MECOM: variants seen among roughly 807,000 people sequenced by gnomAD.
The protein encoded by MECOM is histone-lysine N-methyltransferase MECOM.
A neutral mutation model predicts 116.3 loss-of-function variants in MECOM; 13 were observed. That is an observed-to-expected ratio of 0.11 (90% CI 0.07 to 0.18). The LOEUF (loss-of-function observed/expected upper bound fraction) is 0.18. MECOM is among the 10% of genes least tolerant of loss of function. The probability of loss-of-function intolerance (pLI) is 1.00; values close to 1 mark genes in which losing one functional copy is unlikely to be tolerated. For synonymous variants in MECOM, 528 were observed against 535.2 expected, an observed-to-expected ratio of 0.99 and a Z score of 0.19; for missense variants, 1,299 against 1,509.0, an observed-to-expected ratio of 0.86 and a Z score of 2.31.
intron 2 of MECOM, among the ~76,000 whole-genome samples, chr3:169,342,411 G>A (rs1724698847): frequency 6.6e-6 from 1 of 151,890 alleles, no homozygotes; most frequent in African/African-American, 2.4e-5. Flanking sequence ...CTTAATCACT[G>A]CAAAGAAAAG....
At chr3:169,534,079 C>T (rs1474562218) in intron 1 of MECOM, among the ~76,000 whole-genome samples, 2 of 152,150 alleles carry the variant, frequency 1.3e-5, no homozygotes, top group African/African-American at 2.4e-5. Context: ...ACCTAGAGTG[C>T]TTCCACTGTT....
chr3:169,153,675 A>G (rs1398340888), intron 2 of MECOM, among the ~76,000 whole-genome samples: 1 of 152,124 alleles, frequency 6.6e-6, no homozygotes, highest in Admixed American at 6.6e-5. Flanking sequence ...CTTGTGGGGA[A>G]AGTTTGTTGG....
intron 2 of MECOM, among the ~76,000 whole-genome samples, chr3:169,286,740 A>C (rs1713401436): frequency 6.6e-6 from 1 of 152,114 alleles, no homozygotes; most frequent in Non-Finnish European, 1.5e-5. Flanking sequence ...AAAAACAAAC[A>C]AGCAAACAGC....
At chr3:169,618,898 AC>A (rs568342131) in intron 1 of MECOM, among the ~76,000 whole-genome samples, 22 of 152,334 alleles carry the variant, frequency 1.4e-4, no homozygotes, top group African/African-American at 5.0e-4. Context: ...AAAATCTAAC[AC>A]AAACTATAAA....
chr3:169,448,222 TA>T (rs1744974564), intron 1 of MECOM, among the ~76,000 whole-genome samples: 3 of 152,178 alleles, frequency 2.0e-5, no homozygotes, highest in Non-Finnish European at 4.4e-5. Flanking sequence ...ACTGAGCAAC[TA>T]GCCTTGCTAC....
At chr3:169,608,763 T>C (rs1377912404) in intron 1 of MECOM, among the ~76,000 whole-genome samples, 1 of 152,238 alleles carries the variant, frequency 6.6e-6, no homozygotes, top group African/African-American at 2.4e-5. Context: ...CTTACTCATA[T>C]GTAATTGAAT....
intron 1 of MECOM, among the ~76,000 whole-genome samples, chr3:169,424,568 G>A (rs1423521368): frequency 1.3e-5 from 2 of 152,138 alleles, no homozygotes; most frequent in Admixed American, 6.6e-5. Flanking sequence ...TTGTTCTTCT[G>A]AAGGGTACAC....
At chr3:169,604,029 G>A (rs1225711460) in intron 1 of MECOM, among the ~76,000 whole-genome samples, 2 of 152,242 alleles carry the variant, frequency 1.3e-5, no homozygotes, top group South Asian at 2.1e-4. Flanking sequence ...AAGTTTCTAA[G>A]GAAGTTTGTG....
intron 1 of MECOM, among the ~76,000 whole-genome samples, chr3:169,552,982 T>C (rs1236294218): frequency 6.6e-6 from 1 of 151,934 alleles, no homozygotes; most frequent in Non-Finnish European, 1.5e-5. Context: ...TATAATATTT[T>C]ATAGACAACA....
At chr3:169,632,625 C>T (rs117279323) in intron 1 of MECOM, among the ~76,000 whole-genome samples, 2 of 152,284 alleles carry the variant, frequency 1.3e-5, no homozygotes, top group East Asian at 3.9e-4. Context: ...CAAGTTTATG[C>T]TTTTGAGTCA....
chr3:169,501,140 A>T (rs189634667), intron 1 of MECOM, among the ~76,000 whole-genome samples: 84 of 152,170 alleles, frequency 5.5e-4, no homozygotes, highest in Non-Finnish European at 8.8e-4. Flanking sequence ...ATTTAGAAAT[A>T]TTATTCTCAG....
intron 2 of MECOM, among the ~76,000 whole-genome samples, chr3:169,309,141 C>CTA (rs1718276858): frequency 6.6e-6 from 1 of 151,918 alleles, no homozygotes. Flanking sequence ...AAACCGGACT[C>CTA]TATAAACATG....
chr3:169,470,450 A>T (rs1749029734), intron 1 of MECOM, among the ~76,000 whole-genome samples: 1 of 152,226 alleles, frequency 6.6e-6, no homozygotes, highest in Non-Finnish European at 1.5e-5. Context: ...TGGCAACCAG[A>T]TACAAATTTA....
In MECOM at chr3:169,090,033, G is replaced by T; in HGVS notation, c.3368C>A (p.Ala1123Asp). Residue 1123 changes from alanine (A) to aspartate (D), a missense_variant, in exon 15 of 17, where the codon GCC becomes GAC. By Grantham distance (126) the Ala-to-Asp change is moderately radical. Around this residue, in one of 6 missense-constraint regions of MECOM, gnomAD observed 273 missense variants for 289.3 expected, o/e 0.94. Transcript: ENST00000651503. ...NPEDDYEETS[A>D]LEMSCKTSPV... Reference sequence around the variant, plus strand: ...GGATGTCTTGCAACTCATCTCCAGGGCACTGGTTTCTTCATAGTCATCCTC... The same window carrying T: ...GGATGTCTTGCAACTCATCTCCAGGTCACTGGTTTCTTCATAGTCATCCTC... 1 of 1,613,362 alleles carries T rather than the reference G, an allele frequency of 6.2e-7. No homozygotes were observed. The highest frequency in any genetic ancestry group is 8.5e-7 in the Non-Finnish European group (1 of 1,179,584).
rs75063148 is a variant in MECOM, at chr3:169,495,700, C to T, written c.38-114176G>A. Among the ~76,000 whole-genome samples the T allele has an allele frequency of 7.5e-3, 1,136 of 152,242 alleles. 18 individuals carry two copies. The highest frequency in any genetic ancestry group is 0.025 in the African/African-American group (1,052 of 41,550). ...AACCTGAATATACTGGTAATTTGGA[C>T]ACTGGCCTCACTATCAAAACTATGA... On this transcript the variant is annotated intron_variant, in intron 1 of 16. Coordinates refer to ENST00000651503, the MANE Select transcript of MECOM (RefSeq NM_004991.4).
chr3:169,600,479 C>T (rs897896507), intron 1 of MECOM, among the ~76,000 whole-genome samples: 4 of 152,044 alleles, frequency 2.6e-5, no homozygotes, highest in Admixed American at 6.6e-5. Flanking sequence ...ACACGTATCC[C>T]TAAAATGTGC....
intron 1 of MECOM, among the ~76,000 whole-genome samples, chr3:169,563,575 C>T (rs142604073): frequency 2.2e-4 from 33 of 152,222 alleles, no homozygotes; most frequent in Admixed American, 7.9e-4. Context: ...TGGAGCAAAT[C>T]TACTGAAAGA....
intron 1 of MECOM, among the ~76,000 whole-genome samples, chr3:169,554,621 T>A (rs749522433): frequency 6.6e-6 from 1 of 152,044 alleles, no homozygotes; most frequent in Admixed American, 6.5e-5. Context: ...TTACTTATCA[T>A]GAGATAATGC....
chr3:169,503,670 C>A (rs1754825867), intron 1 of MECOM, among the ~76,000 whole-genome samples: 1 of 152,084 alleles, frequency 6.6e-6, no homozygotes, highest in Non-Finnish European at 1.5e-5. Flanking sequence ...AACTCAATAG[C>A]CCACCCTTTA....
Sources: allele counts gnomAD v4.1 joint callset (sites outside exome capture counted in the v4.1 genomes callset), GRCh38; gene constraint gnomAD v4.1.1; regional missense constraint gnomAD v4.1.1; transcripts MANE v1.5; gene names NCBI Gene and HGNC (gene_info 2026-07-23, HGNC 2026-07-21).